EPB41L5: variants seen among roughly 807,000 people sequenced by gnomAD.
EPB41L5 encodes band 4.1-like protein 5.
EPB41L5 carries 55 observed loss-of-function variants against 106.6 expected under a neutral mutation model. The ratio of observed to expected loss-of-function variants is 0.52; its 90% CI spans 0.42 to 0.65. The LOEUF is 0.65. EPB41L5 is among the 30% of genes least tolerant of loss of function. EPB41L5 has a pLI of 0.00. For missense variants in EPB41L5, 871 were observed against 882.1 expected (o/e 0.99, Z 0.16); for synonymous variants, 297 against 306.7 (o/e 0.97, Z 0.33).
chr2:120,027,973 C>T (rs1678449511), intron 2 of EPB41L5, among the ~76,000 whole-genome samples: 1 of 152,032 alleles, frequency 6.6e-6, no homozygotes, highest in Non-Finnish European at 1.5e-5. Context: ...AGCGATTCTA[C>T]TGCCTCAGTC....
intron 16 of EPB41L5, among the ~76,000 whole-genome samples, chr2:120,108,693 T>C (rs1426336411): frequency 6.6e-6 from 1 of 152,168 alleles, no homozygotes; most frequent in East Asian, 1.9e-4. Context: ...GAAGAGTTTC[T>C]TATTACAAAA....
At chr2:120,147,001 A>G (rs1197181242) in intron 20 of EPB41L5, among the ~76,000 whole-genome samples, 1 of 152,202 alleles carries the variant, frequency 6.6e-6, no homozygotes, top group Non-Finnish European at 1.5e-5. Flanking sequence ...AGTACTCAGC[A>G]AAAGTACTAA....
intron 7 of EPB41L5, among the ~76,000 whole-genome samples, chr2:120,076,159 G>A (rs1487605076): frequency 6.6e-6 from 1 of 152,106 alleles, no homozygotes; most frequent in African/African-American, 2.4e-5. Flanking sequence ...TTTGTGCATT[G>A]TTCAGATTTT....
At chr2:120,076,641 C>T (rs116344415) in intron 7 of EPB41L5, among the ~76,000 whole-genome samples, 2,581 of 151,844 alleles carry the variant, frequency 0.017, 42 homozygotes, top group Non-Finnish European at 0.026. Flanking sequence ...TGTCTTTTAA[C>T]GATTGCTAAA....
At chr2:120,097,629 G>A (rs1182665895) in intron 14 of EPB41L5, among the ~76,000 whole-genome samples, 7 of 152,126 alleles carry the variant, frequency 4.6e-5, no homozygotes, top group African/African-American at 1.7e-4. Context: ...GGCTTAATAT[G>A]CAGTCTTGAA....
At chr2:120,100,429 A>G (rs186569611) in intron 15 of EPB41L5, 143 bp downstream of exon 15, 12 of 798,190 alleles carry the variant, frequency 1.5e-5, no homozygotes, top group Non-Finnish European at 2.2e-5. Flanking sequence ...TAAGTGGTTC[A>G]GTAATAACTT....
chr2:120,016,530 T>C (rs533365236), intron 1 of EPB41L5, among the ~76,000 whole-genome samples: 8 of 152,378 alleles, frequency 5.3e-5, no homozygotes, highest in African/African-American at 1.9e-4. Flanking sequence ...TTTTTTACAC[T>C]ATCTTGAGTC....
rs1687918710 is a variant in EPB41L5 at position 120,176,402 on chromosome 2, T to C, written c.*1495T>C. On this transcript the variant is annotated 3_prime_UTR_variant, in exon 25 of 25. Coordinates refer to ENST00000263713, the MANE Select transcript of EPB41L5 (RefSeq NM_020909.4). ...CCTTAAAACTTCATGGATTGGACTT[T>C]CCTGGGCTCCTTATAACATAATCGT... 1 of 152,244 alleles carries C rather than the reference T, an allele frequency of 6.6e-6. No individual in the cohort carries two copies. Among genetic ancestry groups the C allele is most frequent in the Non-Finnish European group, 1.5e-5 (1 of 68,046 alleles). 9.4% of individuals were successfully genotyped at this position (152,244 alleles called of 1,614,324 possible).
chr2:120,067,714 T>G (rs986138285), intron 3 of EPB41L5, among the ~76,000 whole-genome samples: 5 of 152,252 alleles, frequency 3.3e-5, no homozygotes, highest in African/African-American at 1.2e-4. Flanking sequence ...GAAGGTTCTT[T>G]TAAAGAGTAC....
At chr2:120,062,929 C>T (rs1681179985) in intron 3 of EPB41L5, among the ~76,000 whole-genome samples, 2 of 152,096 alleles carry the variant, frequency 1.3e-5, no homozygotes, top group South Asian at 4.1e-4. Context: ...ATATAAGGCT[C>T]TGATGAACTT....
Position 120,041,295 on chromosome 2 carries a change from T to G in EPB41L5, c.181-711T>G, listed in dbSNP as rs189108421. Among the ~76,000 whole-genome samples, 853 of 152,258 alleles carry G rather than the reference T, an allele frequency of 5.6e-3. 5 individuals are homozygous for G. Among genetic ancestry groups the G allele is most frequent in the Non-Finnish European group, 8.9e-3 (603 of 67,990 alleles). ...CCACGTTCACTGTGTTGCAATGTGT[T>G]GTTTTGTTTCAGGTATATAAGAAAC... On this transcript the variant is annotated intron_variant, in intron 2 of 24. Coordinates refer to ENST00000263713, the MANE Select transcript of EPB41L5 (RefSeq NM_020909.4).
chr2:120,111,257 G>A (rs1684717691), intron 16 of EPB41L5, among the ~76,000 whole-genome samples: 1 of 152,186 alleles, frequency 6.6e-6, no homozygotes, highest in Non-Finnish European at 1.5e-5. Context: ...GGATTTGGGA[G>A]AAAATACTGC....
intron 3 of EPB41L5, among the ~76,000 whole-genome samples, chr2:120,049,778 G>A (rs975265894): frequency 2.0e-5 from 3 of 152,086 alleles, no homozygotes; most frequent in African/African-American, 7.2e-5. Context: ...TTACAATTTG[G>A]CATGGTTTTG....
Position 120,177,371 on chromosome 2 carries a change from G to T in EPB41L5, c.*2464G>T, listed in dbSNP as rs1241662940. ...GGGGCAGCCGGGGGCACTGCTGAGGGTTTGCCGTGCACGCCTCGGACGGAG... is the reference window on the plus strand; with the variant it reads ...GGGGCAGCCGGGGGCACTGCTGAGGTTTTGCCGTGCACGCCTCGGACGGAG... On this transcript the variant is annotated 3_prime_UTR_variant, in exon 25 of 25. Coordinates refer to ENST00000263713, the MANE Select transcript of EPB41L5 (RefSeq NM_020909.4). 2 of 152,600 alleles carry T rather than the reference G, an allele frequency of 1.3e-5. No homozygotes were observed. The highest frequency in any genetic ancestry group is 2.9e-5 in the Non-Finnish European group (2 of 68,288). 9.5% of individuals were successfully genotyped at this position (152,600 alleles called of 1,614,324 possible).
rs201334653 is a variant in EPB41L5, at chr2:120,087,157, T to G, written c.804-14T>G. 1.3e-6 allele frequency: 2 copies of G among 1,503,786 alleles called. No individual in the cohort carries two copies. The highest frequency in any genetic ancestry group is 1.4e-5 in the African/African-American group (1 of 71,884). The allele number at this position is 1,503,786 out of a possible 1,614,324, so 93.2% of individuals were successfully genotyped here. ...TGTTTGTAATTTGGCTTTTATTCTC[T>G]TATTATATTATAGGCCGAAGATAAC... On this transcript the variant is annotated splice_polypyrimidine_tract_variant and intron_variant, in intron 10 of 24. Coordinates refer to ENST00000263713, the MANE Select transcript of EPB41L5 (RefSeq NM_020909.4).
intron 16 of EPB41L5, chr2:120,105,731 A>C: frequency 2.0e-6 from 2 of 985,420 alleles, no homozygotes; most frequent in Non-Finnish European, 2.4e-6. Context: ...CAAGCTTAAA[A>C]ATGGCCACTA....
chr2:120,079,742 A>G (rs1167059792), intron 10 of EPB41L5, among the ~76,000 whole-genome samples: 2 of 152,050 alleles, frequency 1.3e-5, no homozygotes, highest in Non-Finnish European at 2.9e-5. Context: ...CATCCCTTTA[A>G]ATTACCTGCC....
chr2:120,171,038 C>T (rs892999312), intron 24 of EPB41L5, among the ~76,000 whole-genome samples: 5 of 152,088 alleles, frequency 3.3e-5, no homozygotes, highest in African/African-American at 1.2e-4. Flanking sequence ...TGGGTCCCAC[C>T]CATCTCCACA....
At chr2:120,042,573 G>A (rs1679468422) in intron 3 of EPB41L5, among the ~76,000 whole-genome samples, 1 of 152,112 alleles carries the variant, frequency 6.6e-6, no homozygotes, top group South Asian at 2.1e-4. Flanking sequence ...ACTTCGACAT[G>A]CATTTCTGAC....
Sources: gnomAD v4.1 joint callset for allele counts (sites outside exome capture counted in the v4.1 genomes callset) on GRCh38, gnomAD v4.1.1 for gene constraint, MANE v1.5 for transcripts, NCBI Gene and HGNC (gene_info 2026-07-23, HGNC 2026-07-21) for gene names.